ARL8B: variants seen among roughly 807,000 people sequenced by gnomAD.
ARL8B encodes ARF like GTPase 8B.
Under a neutral mutation model 30.6 loss-of-function variants are expected in ARL8B, and 9 were observed. That is an observed-to-expected ratio of 0.29 (90% CI 0.18 to 0.51). The LOEUF (loss-of-function observed/expected upper bound fraction) is 0.51, where lower values mean the gene tolerates loss of function less well. Ranked by LOEUF, ARL8B falls within the 20% of genes least tolerant of loss-of-function variation. The pLI, the probability that ARL8B is intolerant of heterozygous loss-of-function variation, is 0.97. For missense variants in ARL8B, 130 were observed against 227.2 expected, an observed-to-expected ratio of 0.57 and a Z score of 2.75; for synonymous variants, 74 against 76.0, an observed-to-expected ratio of 0.97 and a Z score of 0.14.
intron 1 of ARL8B, among the ~76,000 whole-genome samples, chr3:5,144,780 G>A (rs1017623637): frequency 2.6e-5 from 4 of 152,110 alleles, no homozygotes; most frequent in East Asian, 1.9e-4. Context: ...CCATTTATGC[G>A]AACTATGGCA....
At position 5,158,261 on chromosome 3, in the gene ARL8B, C is replaced by T. The variant is rs930845988; in HGVS notation, c.124-12242C>T. ...GGCCTCCCAAAGTACTGGGATTACA[C>T]GTGTGAGCCACGCGCCCAGCCTGGG... On this transcript the variant is annotated intron_variant, in intron 1 of 6. Coordinates refer to ENST00000256496, the MANE Select transcript of ARL8B (RefSeq NM_018184.3). Among the ~76,000 whole-genome samples the T allele has an allele frequency of 7.2e-5, 11 of 152,186 alleles. No individual in the cohort carries two copies. In the East Asian group the frequency reaches 9.7e-4, roughly 13 times the overall value.
intron 1 of ARL8B, among the ~76,000 whole-genome samples, chr3:5,125,556 G>C (rs11716864): frequency 1.4e-5 from 2 of 145,178 alleles, no homozygotes; most frequent in African/African-American, 5.2e-5. Flanking sequence ...TTTTTGAGAC[G>C]GAGTCCCGCT....
At chr3:5,148,408 G>T (rs1162042428) in intron 1 of ARL8B, among the ~76,000 whole-genome samples, 1 of 152,054 alleles carries the variant, frequency 6.6e-6, no homozygotes. Context: ...TCTTAAATTT[G>T]GATAAGGATT....
intron 1 of ARL8B, among the ~76,000 whole-genome samples, chr3:5,145,448 C>G (rs1159651304): frequency 1.3e-5 from 2 of 152,152 alleles, no homozygotes; most frequent in African/African-American, 4.8e-5. Context: ...AGGGCTGTGG[C>G]AGCTACTGCT....
In ARL8B at chr3:5,179,660, T is replaced by C. The variant is rs796912475; in HGVS notation, c.*947T>C. The C allele has an allele frequency of 1.3e-5, 2 of 152,778 alleles. No individual in the cohort carries two copies. The highest frequency in any genetic ancestry group is 4.8e-5 in the African/African-American group (2 of 41,596). The allele number at this position is 152,778 out of a possible 1,614,324, so 9.5% of individuals were successfully genotyped here. The stretch of plus-strand genomic sequence containing the variant: ...CATGACACTCTTAACTCCTGACTTT[T>C]TATATCCAGTCATAAAGTTGACTTT... On this transcript the variant is annotated 3_prime_UTR_variant, in exon 7 of 7. Transcript: ENST00000256496.
At chr3:5,141,106 G>A (rs779356319) in intron 1 of ARL8B, among the ~76,000 whole-genome samples, 91 of 152,064 alleles carry the variant, frequency 6.0e-4, no homozygotes, top group Non-Finnish European at 9.8e-4. Flanking sequence ...CTTCAGTTTC[G>A]ATTTCCCAAT....
At chr3:5,157,470 C>T (rs956603757) in intron 1 of ARL8B, among the ~76,000 whole-genome samples, 5 of 146,704 alleles carry the variant, frequency 3.4e-5, no homozygotes, top group African/African-American at 7.9e-5. Context: ...GAGAAGGAAT[C>T]GCAAAAAAAC....
At chr3:5,133,261 T>A (rs2054298511) in intron 1 of ARL8B, among the ~76,000 whole-genome samples, 1 of 152,158 alleles carries the variant, frequency 6.6e-6, no homozygotes. Context: ...GAGTGTGACA[T>A]TAGGCATGGA....
chr3:5,178,350 CTTTTTTTTTT>C (rs376669879), intron 6 of ARL8B, among the ~76,000 whole-genome samples: 65 of 115,296 alleles, frequency 5.6e-4, no homozygotes, highest in Non-Finnish European at 6.8e-4. Context: ...GGGGTTATTC[CTTTTTTTTTT>C]TTTTTTTTTT....
At chr3:5,134,338 G>A (rs2054307533) in intron 1 of ARL8B, among the ~76,000 whole-genome samples, 1 of 152,246 alleles carries the variant, frequency 6.6e-6, no homozygotes, top group South Asian at 2.1e-4. Flanking sequence ...TGGCCAGAAT[G>A]CAGTCTGCCC....
chr3:5,135,977 G>T (rs909742327), intron 1 of ARL8B, among the ~76,000 whole-genome samples: 1 of 150,884 alleles, frequency 6.6e-6, no homozygotes, highest in Non-Finnish European at 1.5e-5. Flanking sequence ...TAGTAGAGAC[G>T]GGGTTTCACC....
intron 6 of ARL8B, among the ~76,000 whole-genome samples, chr3:5,177,241 A>G (rs1363617505): frequency 6.6e-6 from 1 of 152,170 alleles, no homozygotes; most frequent in African/African-American, 2.4e-5. Context: ...GTAATTTTAG[A>G]ACTCCTGGCT....
At chr3:5,133,073 C>T (rs2054296835) in intron 1 of ARL8B, among the ~76,000 whole-genome samples, 2 of 149,822 alleles carry the variant, frequency 1.3e-5, no homozygotes, top group Admixed American at 1.3e-4. Flanking sequence ...ATGTTCTTGC[C>T]CTTGTGGAAC....
intron 1 of ARL8B, among the ~76,000 whole-genome samples, chr3:5,139,294 A>G (rs766279155): frequency 6.6e-6 from 1 of 152,204 alleles, no homozygotes; most frequent in Non-Finnish European, 1.5e-5. Flanking sequence ...CAGGCAAAAT[A>G]GTATTTGTAA....
chr3:5,166,232 G>C (rs1418756777), intron 1 of ARL8B, among the ~76,000 whole-genome samples: 1 of 151,640 alleles, frequency 6.6e-6, no homozygotes, highest in Non-Finnish European at 1.5e-5. Flanking sequence ...TACAGACGGG[G>C]TTTCACTATG....
chr3:5,169,338 TGTGTGA>T (rs1315107042), intron 1 of ARL8B, among the ~76,000 whole-genome samples: 9 of 150,884 alleles, frequency 6.0e-5, no homozygotes, highest in African/African-American at 1.9e-4. Flanking sequence ...TGTGTGTGTG[TGTGTGA>T]GTGTGTGAGA....
chr3:5,131,969 A>G (rs2054287104), intron 1 of ARL8B, among the ~76,000 whole-genome samples: 1 of 152,156 alleles, frequency 6.6e-6, no homozygotes, highest in South Asian at 2.1e-4. Context: ...CTGCTGCCTC[A>G]ACCTCTTGGG....
chr3:5,124,256 ATTTTTTTTTTTTTTTT>A (rs35897178), intron 1 of ARL8B, among the ~76,000 whole-genome samples: 6 of 105,694 alleles, frequency 5.7e-5, no homozygotes, highest in Admixed American at 4.7e-4. Flanking sequence ...AATACCACTA[ATTTTTTTTTTTTTTTT>A]TTTTTTTTTT....
rs71053495 is a variant in ARL8B at position 5,159,602 on chromosome 3, CAAAAAAAAAAAA to C, written c.124-10889_124-10878del. 1.2e-4 allele frequency among the ~76,000 whole-genome samples: 9 copies of C among 77,070 alleles called. No individual in the cohort carries two copies. In the South Asian group the frequency reaches 4.0e-3, roughly 34 times the overall value. 50.6% of individuals were successfully genotyped at this position (77,070 alleles called of 152,430 possible). ...GGGCAACAAGAATGAAACTCCGTCT[CAAAAAAAAAAAA>C]AAAAAAAAAAAGAGAAAAAGAAAAA... is the stretch of plus-strand genomic sequence containing the variant. On this transcript the variant is annotated intron_variant, in intron 1 of 6. Transcript: ENST00000256496.
Sources: gnomAD v4.1 joint callset for allele counts (sites outside exome capture counted in the v4.1 genomes callset) on GRCh38, gnomAD v4.1.1 for gene constraint, MANE v1.5 for transcripts, NCBI Gene and HGNC (gene_info 2026-07-23, HGNC 2026-07-21) for gene names.